The following RXRA variants were observed in gnomAD, a reference collection of about 807,000 sequenced individuals.
RXRA encodes retinoid X receptor alpha.
A neutral mutation model predicts 44.5 loss-of-function variants in RXRA; 5 were observed. The ratio of observed to expected loss-of-function variants is 0.11; its 90% CI spans 0.06 to 0.24. RXRA has a LOEUF of 0.24. Among genes scored for constraint, RXRA ranks in the 10% least tolerant of loss-of-function variants. RXRA has a pLI of 1.00. For missense variants in RXRA, 412 were observed against 646.5 expected (o/e 0.64, Z 3.93); for synonymous variants, 291 against 271.4 (o/e 1.07, Z -0.71).
chr9:134,388,024 C>T (rs1381822299), intron 1 of RXRA, among the ~76,000 whole-genome samples: 1 of 152,120 alleles, frequency 6.6e-6, no homozygotes, highest in Non-Finnish European at 1.5e-5. Context: ...TTATAGGGCA[C>T]TTATCGCTGC....
At position 134,424,074 on chromosome 9, in the gene RXRA, G is replaced by A. The variant is rs186640611; in HGVS notation, c.910+2269G>A. The stretch of plus-strand genomic sequence containing the variant: ...CAGCTTCTGGCTCCAGCCTCAGCCT[G>A]TGTGGGGTGTTCGTGGTGGAGTGCG... On this transcript the variant is annotated intron_variant, in intron 6 of 9. Transcript: ENST00000481739. 1.5e-4 allele frequency: 143 copies of A among 985,442 alleles called. No individual in the cohort carries two copies. The African/African-American group carries it at 2.0e-3, about 14-fold the overall frequency. The allele number at this position is 985,442 out of a possible 1,614,324, so 61.0% of individuals were successfully genotyped here.
intron 4 of RXRA, among the ~76,000 whole-genome samples, chr9:134,412,572 G>T (rs1026968285): frequency 1.3e-5 from 2 of 152,220 alleles, no homozygotes; most frequent in South Asian, 4.1e-4. Flanking sequence ...GGGCCTGCAC[G>T]CGCAGGCAGC....
chr9:134,432,058 C>A, intron 8 of RXRA, 62 bp downstream of exon 8: 2 of 1,327,596 alleles, frequency 1.5e-6, no homozygotes, highest in Non-Finnish European at 1.1e-6. Flanking sequence ...GGTGCCTGGG[C>A]CTCCTCCTGG....
intron 1 of RXRA, among the ~76,000 whole-genome samples, chr9:134,378,612 C>T (rs1484570286): frequency 2.0e-5 from 3 of 152,236 alleles, no homozygotes; most frequent in African/African-American, 7.2e-5. Context: ...AGTGGTGGCC[C>T]TCCCTGCCCC....
chr9:134,339,845 G>A (rs1830064352), intron 1 of RXRA, among the ~76,000 whole-genome samples: 1 of 150,014 alleles, frequency 6.7e-6, no homozygotes, highest in African/African-American at 2.5e-5. Flanking sequence ...GTCTGTGTGT[G>A]TGTGAGCCCA....
At chr9:134,382,582 G>A (rs991056357) in intron 1 of RXRA, among the ~76,000 whole-genome samples, 1 of 152,186 alleles carries the variant, frequency 6.6e-6, no homozygotes, top group Non-Finnish European at 1.5e-5. Flanking sequence ...TGGAGCAGTA[G>A]GTGTGTGGGA....
intron 6 of RXRA, chr9:134,423,961 G>T (rs1292522038): frequency 1.0e-6 from 1 of 985,128 alleles, no homozygotes; most frequent in African/African-American, 1.7e-5. Flanking sequence ...TTGTGCGCTG[G>T]GGGCCTGGCG....
intron 1 of RXRA, among the ~76,000 whole-genome samples, chr9:134,372,669 C>T (rs1830505223): frequency 6.6e-6 from 1 of 152,202 alleles, no homozygotes; most frequent in Non-Finnish European, 1.5e-5. Context: ...CTTGGGGCCC[C>T]CAGCAGGCAG....
In RXRA at chr9:134,407,881, G is replaced by C. The variant is rs578217246; in HGVS notation, c.280-268G>C. On this transcript the variant is annotated intron_variant, in intron 2 of 9. Transcript: ENST00000481739. The surrounding 1 kb of genome is among the most constrained non-coding windows in gnomAD (Gnocchi z 4.8). ...GCAGGGACCGCCCATGTGTTGGGGG[G>C]GGTGTTGAAGGTCCTTTTCCACAGA... Among the ~76,000 whole-genome samples the C allele has an allele frequency of 3.9e-5, 6 of 152,188 alleles. No homozygotes were observed. In the South Asian group the frequency reaches 8.3e-4, roughly 21 times the overall value.
intron 1 of RXRA, among the ~76,000 whole-genome samples, chr9:134,376,229 G>A (rs568943705): frequency 6.6e-6 from 1 of 152,104 alleles, no homozygotes; most frequent in Admixed American, 6.5e-5. Context: ...CCTCAGCCGC[G>A]GGGCCTGCCC....
chr9:134,383,291 C>T (rs1376937974), intron 1 of RXRA, among the ~76,000 whole-genome samples: 1 of 152,016 alleles, frequency 6.6e-6, no homozygotes, highest in Non-Finnish European at 1.5e-5. Context: ...GTGGGGCTGT[C>T]TTGTGTGGCC....
intron 1 of RXRA, among the ~76,000 whole-genome samples, chr9:134,388,519 G>A (rs1177104801): frequency 2.0e-5 from 3 of 152,142 alleles, no homozygotes; most frequent in Admixed American, 1.3e-4. Context: ...TCCTGGTGAC[G>A]GTCCTTTCTC....
intron 1 of RXRA, among the ~76,000 whole-genome samples, chr9:134,335,399 A>G (rs899450481): frequency 6.6e-6 from 1 of 152,216 alleles, no homozygotes; most frequent in African/African-American, 2.4e-5. Flanking sequence ...GAAGTGGGGA[A>G]GGAATCAAGG....
In RXRA at chr9:134,426,929, G is replaced by T. The variant is rs768960878; in HGVS notation, c.911-2179G>T. 4 of 985,344 alleles carry T rather than the reference G, an allele frequency of 4.1e-6. No homozygotes were observed. The highest frequency in any genetic ancestry group is 4.8e-6 in the Non-Finnish European group (4 of 829,912). 61.0% of individuals were successfully genotyped at this position (985,344 alleles called of 1,614,324 possible). A position where few individuals can be genotyped will look rare whatever the true frequency, so the allele number is the denominator to read the frequency against. On this transcript the variant is annotated intron_variant, in intron 6 of 9. Transcript: ENST00000481739. This position sits in a 1 kb window ranked among gnomAD's most constrained non-coding sequence, Gnocchi z 4.6. ...GGAGGGAGAGCCCTTTCCTAGGAGA[G>T]CATTTGCTCTCACTGGATGTCAGAC...
intron 4 of RXRA, among the ~76,000 whole-genome samples, chr9:134,410,932 G>C (rs576958596): frequency 3.3e-5 from 5 of 152,196 alleles, no homozygotes; most frequent in Admixed American, 6.5e-5. Flanking sequence ...AACCAGGGGG[G>C]GCCCAGGGGG....
At chr9:134,408,329 T>A in intron 3 of RXRA, 30 bp downstream of exon 3, 2 of 1,577,472 alleles carry the variant, frequency 1.3e-6, no homozygotes, top group Non-Finnish European at 1.7e-6. Context: ...CAGGGGCTGG[T>A]GGGACAGGGT....
At chr9:134,354,685 A>G (rs1830262154) in intron 1 of RXRA, among the ~76,000 whole-genome samples, 1 of 152,226 alleles carries the variant, frequency 6.6e-6, no homozygotes, top group Non-Finnish European at 1.5e-5. Flanking sequence ...TTCCTCCTGC[A>G]GCTGTGCTGT....
chr9:134,439,160 A>G lies in RXRA; in HGVS notation c.*2546A>G, dbSNP rs1373231629. On this transcript the variant is annotated 3_prime_UTR_variant, in exon 10 of 10. Transcript: ENST00000481739. ...GTAATTATTATTATTTTGGTGGGAC[A>G]ATCTTTAATTTTCTAAAGATAGCAC... 6.6e-6 allele frequency: 1 copy of G among 152,216 alleles called. No homozygotes were observed. Among genetic ancestry groups the G allele is most frequent in the Non-Finnish European group, 1.5e-5 (1 of 68,036 alleles). 9.4% of individuals were successfully genotyped at this position (152,216 alleles called of 1,614,324 possible).
At chr9:134,377,528 C>T (rs1196178198) in intron 1 of RXRA, among the ~76,000 whole-genome samples, 2 of 152,088 alleles carry the variant, frequency 1.3e-5, no homozygotes, top group African/African-American at 2.4e-5. Flanking sequence ...GTGAAGTCTC[C>T]GTGTGTGTGT....
Sources: gnomAD v4.1 joint callset for allele counts (sites outside exome capture counted in the v4.1 genomes callset) on GRCh38, gnomAD v4.1.1 for gene constraint, Gnocchi (gnomAD v3.1) non-coding constraint, MANE v1.5 for transcripts, NCBI Gene and HGNC (gene_info 2026-07-23, HGNC 2026-07-21) for gene names.